The following CHD7 variants were observed in gnomAD, a reference collection of about 807,000 sequenced individuals.
CHD7 encodes ATP-dependent chromatin remodeler CHD7.
A neutral mutation model predicts 307.3 loss-of-function variants in CHD7; 24 were observed. That is an observed-to-expected ratio of 0.08 (90% CI 0.06 to 0.11). The LOEUF (loss-of-function observed/expected upper bound fraction) is 0.11, where lower values mean the gene tolerates loss of function less well. Among genes scored for constraint, CHD7 ranks in the 10% least tolerant of loss-of-function variants. CHD7 has a pLI of 1.00. For synonymous variants in CHD7, 1,363 were observed against 1,349.9 expected, an observed-to-expected ratio of 1.01 and a Z score of -0.21; for missense variants, 3,106 against 3,727.1, an observed-to-expected ratio of 0.83 and a Z score of 4.34.
At chr8:60,839,224 T>C (rs556354134) in intron 19 of CHD7, among the ~76,000 whole-genome samples, 4 of 152,342 alleles carry the variant, frequency 2.6e-5, no homozygotes, top group African/African-American at 9.6e-5. Flanking sequence ...TTCATTCACT[T>C]AGTATAATGT....
At chr8:60,732,959 G>A (rs1808526295) in intron 1 of CHD7, among the ~76,000 whole-genome samples, 1 of 151,996 alleles carries the variant, frequency 6.6e-6, no homozygotes, top group African/African-American at 2.4e-5. Context: ...ATGAGACCTG[G>A]TGCAGTGGCT....
At chr8:60,769,317 A>G (rs1174347183) in intron 2 of CHD7, among the ~76,000 whole-genome samples, 1 of 152,238 alleles carries the variant, frequency 6.6e-6, no homozygotes, top group Non-Finnish European at 1.5e-5. Context: ...GTTCAGGGAT[A>G]TAATGGATCC....
At chr8:60,766,634 G>A (rs574958856) in intron 2 of CHD7, among the ~76,000 whole-genome samples, 16 of 152,304 alleles carry the variant, frequency 1.1e-4, no homozygotes, top group African/African-American at 3.9e-4. Context: ...TGGAGGCAGC[G>A]TGATTTACAG....
rs530405315 is a variant in CHD7, at chr8:60,681,977, T to A, written c.-175+2895T>A. Among the ~76,000 whole-genome samples the A allele has an allele frequency of 9.8e-5, 15 of 152,320 alleles. 1 individual carries two copies. Among genetic ancestry groups the A allele is most frequent in the South Asian group, 2.1e-4 (1 of 4,828 alleles). ...GGCCTTATTTTTAAATTAGTTTTTTTAAAAAGTTACTTTCTTTTATATGTC... is the reference window on the plus strand; with the variant it reads ...GGCCTTATTTTTAAATTAGTTTTTTAAAAAAGTTACTTTCTTTTATATGTC... On this transcript the variant is annotated intron_variant, in intron 1 of 37. Transcript: ENST00000423902.
At chr8:60,828,937 A>T (rs1415257718) in intron 14 of CHD7, 131 bp downstream of exon 14, 12 of 762,532 alleles carry the variant, frequency 1.6e-5, no homozygotes, top group Non-Finnish European at 2.5e-5. Flanking sequence ...AACCTTAGAT[A>T]CCCTTTCCTT....
chr8:60,794,087 A>G (rs1297819322), intron 3 of CHD7, among the ~76,000 whole-genome samples: 1 of 152,178 alleles, frequency 6.6e-6, no homozygotes, highest in Non-Finnish European at 1.5e-5. Flanking sequence ...ACGCCGTTGC[A>G]TTCTAGCCTG....
At chr8:60,821,668 G>A (rs1804046086) in intron 9 of CHD7, 122 bp from the exon 10 acceptor site, 1 of 718,462 alleles carries the variant, frequency 1.4e-6, no homozygotes, top group Admixed American at 3.4e-5. Context: ...ACATATATAT[G>A]TATAAACATA....
chr8:60,822,391 C>G, intron 11 of CHD7, 112 bp from the exon 12 acceptor site: 1 of 1,044,898 alleles, frequency 9.6e-7, no homozygotes, highest in Non-Finnish European at 1.3e-6. Flanking sequence ...AAGAGAACAT[C>G]TAAAGCCTTT....
intron 15 of CHD7, among the ~76,000 whole-genome samples, chr8:60,832,665 G>A (rs890818633): frequency 4.6e-5 from 7 of 152,178 alleles, no homozygotes; most frequent in Admixed American, 2.6e-4. Context: ...TGTGAAAGGG[G>A]AGATCTCAGC....
chr8:60,855,996 T>A lies in CHD7; in HGVS notation c.6958T>A (p.Leu2320Ile). 6.2e-7 allele frequency: 1 copy of A among 1,609,264 alleles called. No homozygotes were observed. The highest frequency in any genetic ancestry group is 8.5e-7 in the Non-Finnish European group (1 of 1,177,532). The change falls in exon 33 of 38, where the codon TTA (leucine) becomes ATA (isoleucine). Residue 2320 changes from leucine (L) to isoleucine (I), a missense_variant. Physicochemically the swap from Leu to Ile is conservative, Grantham distance 5. Coordinates refer to ENST00000423902, the MANE Select transcript of CHD7 (RefSeq NM_017780.4). ...WPKDRVMINRLDNICEAVLKG... is the reference protein window; with the variant it reads ...WPKDRVMINRIDNICEAVLKG... Reference sequence around the variant, plus strand: ...CCAGGATAGAGTAATGATAAACCGCTTAGACAACATCTGTGAAGCAGTGTT... The same window carrying A: ...CCAGGATAGAGTAATGATAAACCGCATAGACAACATCTGTGAAGCAGTGTT...
intron 2 of CHD7, among the ~76,000 whole-genome samples, chr8:60,778,481 T>C (rs939654934): frequency 4.6e-5 from 7 of 152,192 alleles, no homozygotes; most frequent in Non-Finnish European, 1.0e-4. Flanking sequence ...TGTGTAAACT[T>C]TAAATCTTTT....
chr8:60,810,946 T>A (rs767442151), intron 7 of CHD7, among the ~76,000 whole-genome samples: 1 of 152,180 alleles, frequency 6.6e-6, no homozygotes, highest in Non-Finnish European at 1.5e-5. Context: ...CAGCGTAACA[T>A]TAGTTTCTCA....
rs536841344 is a variant in CHD7, at chr8:60,775,156, G to A, written c.1666-5844G>A. On this transcript the variant is annotated intron_variant, in intron 2 of 37. Coordinates refer to ENST00000423902, the MANE Select transcript of CHD7 (RefSeq NM_017780.4). ...AGCAGAAAGGCAAAGGTTCAAAAAC[G>A]CCTTCAGATAATTTTTCAGCTAGAT... 1.3e-4 allele frequency among the ~76,000 whole-genome samples: 19 copies of A among 151,974 alleles called. No homozygotes were observed. The South Asian group carries it at 2.3e-3, about 18-fold the overall frequency.
At chr8:60,764,256 T>A (rs1231134513) in intron 2 of CHD7, among the ~76,000 whole-genome samples, 1 of 152,224 alleles carries the variant, frequency 6.6e-6, no homozygotes, top group African/African-American at 2.4e-5. Flanking sequence ...CCCAAAGTGC[T>A]GGGATTACAG....
intron 3 of CHD7, among the ~76,000 whole-genome samples, chr8:60,791,602 C>A (rs1811774443): frequency 6.6e-6 from 1 of 152,140 alleles, no homozygotes; most frequent in Non-Finnish European, 1.5e-5. Context: ...CTAGTTTTGA[C>A]CCTTACGGAT....
Position 60,850,496 on chromosome 8 carries a change from A to G in CHD7, c.5408A>G (p.Tyr1803Cys). 1 of 1,611,078 alleles carries G rather than the reference A, an allele frequency of 6.2e-7. No homozygotes were observed. The highest frequency in any genetic ancestry group is 8.5e-7 in the Non-Finnish European group (1 of 1,177,480). ...SLLIGVFKHG[Y>C]EKYNSMRADP... The stretch of plus-strand genomic sequence containing the variant: ...TGCACGGATGGGCACGGCACAGGCT[A>G]TGAGAAGTACAACTCCATGCGAGCT... Residue 1803 changes from tyrosine (Y) to cysteine (C), a missense_variant, in exon 26 of 38, where the codon TAT (tyrosine) becomes TGT (cysteine). By Grantham distance (194) the Tyr-to-Cys change is radical (BLOSUM62 -2). Around this residue, in one of 10 missense-constraint regions of CHD7, gnomAD observed 1,030 missense variants for 1,165.4 expected, o/e 0.88. Coordinates refer to ENST00000423902, the MANE Select transcript of CHD7 (RefSeq NM_017780.4).
In CHD7 at chr8:60,742,690, A is replaced by T. The variant is rs1272682114; in HGVS notation, c.1258A>T (p.Ile420Leu). 6.2e-7 allele frequency: 1 copy of T among 1,611,978 alleles called. No individual in the cohort carries two copies. The highest frequency in any genetic ancestry group is 2.2e-5 in the East Asian group (1 of 44,870). Residue 420 changes from isoleucine to leucine, a missense_variant, in exon 2 of 38, where the codon ATA becomes TTA. Coordinates refer to ENST00000423902, the MANE Select transcript of CHD7 (RefSeq NM_017780.4). The part of the protein sequence containing the change: ...PPQVRPGSAG[I>L]PMEVGSYPNM... Reference sequence around the variant, plus strand: ...ACAAGTCAGGCCGGGAAGTGCTGGGATACCAATGGAAGTTGGCAGTTATCC... The same window carrying T: ...ACAAGTCAGGCCGGGAAGTGCTGGGTTACCAATGGAAGTTGGCAGTTATCC...
intron 3 of CHD7, among the ~76,000 whole-genome samples, chr8:60,787,647 A>G (rs925639814): frequency 6.6e-6 from 1 of 152,142 alleles, no homozygotes; most frequent in Admixed American, 6.5e-5. Flanking sequence ...TAGGAACAAT[A>G]TAATTTTGTG....
Position 60,742,980 on chromosome 8 carries a change from A to T in CHD7, c.1548A>T (p.Pro516=). ...PSFQQLPTCP[P]LQPHPGLHHQ... ...TTCAGCAGTTGCCAACCTGTCCTCCACTGCAGCCTCACCCGGGCTTGCACC... is the reference window on the plus strand; with the variant it reads ...TTCAGCAGTTGCCAACCTGTCCTCCTCTGCAGCCTCACCCGGGCTTGCACC... Residue 516 remains proline (P), a synonymous_variant, in exon 2 of 38, where the codon CCA becomes CCT. Coordinates refer to ENST00000423902, the MANE Select transcript of CHD7 (RefSeq NM_017780.4). 6.2e-7 allele frequency: 1 copy of T among 1,613,754 alleles called. No individual in the cohort carries two copies. Among genetic ancestry groups the T allele is most frequent in the Non-Finnish European group, 8.5e-7 (1 of 1,179,796 alleles).
Sources: allele counts gnomAD v4.1 joint callset (sites outside exome capture counted in the v4.1 genomes callset), GRCh38; gene constraint gnomAD v4.1.1; regional missense constraint gnomAD v4.1.1; transcripts MANE v1.5; gene names NCBI Gene and HGNC (gene_info 2026-07-23, HGNC 2026-07-21).